Variants in EMSY observed in about 807,000 individuals in gnomAD.
EMSY encodes EMSY transcriptional repressor, BRCA2 interacting, also known as BRCA2-interacting transcriptional repressor EMSY.
EMSY carries 26 observed loss-of-function variants against 134.6 expected under a neutral mutation model. The ratio of observed to expected loss-of-function variants is 0.19; its 90% confidence interval spans 0.14 to 0.27. The LOEUF is 0.27. Ranked by LOEUF, EMSY falls within the 10% of genes least tolerant of loss-of-function variation. The pLI is 1.00. For synonymous variants in EMSY, 579 were observed against 577.8 expected, an observed-to-expected ratio of 1.00 and a Z score of -0.03; for missense variants, 1,305 against 1,611.4, an observed-to-expected ratio of 0.81 and a Z score of 3.26.
At chr11:76,498,752 C>T (rs1025089128) in intron 9 of EMSY, among the ~76,000 whole-genome samples, 4 of 152,164 alleles carry the variant, frequency 2.6e-5, no homozygotes, top group Non-Finnish European at 4.4e-5. Context: ...GAGAACTATA[C>T]TGACTGGAGG....
rs1295740078 is a variant in EMSY at position 76,532,239 on chromosome 11, C to T, written c.2195-3656C>T. ...GAGTTCAGTTAGGACTGAGAAGGTA[C>T]TCAGTAAAAGTTTCACCGAATGAAC... is the stretch of plus-strand genomic sequence containing the variant. On this transcript the variant is annotated intron_variant, in intron 14 of 20. Transcript: ENST00000334736. Among the ~76,000 whole-genome samples, 3 of 152,044 alleles carry T rather than the reference C, an allele frequency of 2.0e-5. No homozygotes were observed. In the East Asian group the frequency reaches 5.8e-4, roughly 29 times the overall value.
intron 11 of EMSY, among the ~76,000 whole-genome samples, chr11:76,521,102 T>TA (rs1950622942): frequency 6.6e-6 from 1 of 152,204 alleles, no homozygotes; most frequent in African/African-American, 2.4e-5. Context: ...TGACAAAGCC[T>TA]GGAAAGCTAG....
At chr11:76,548,590 A>G (rs928211576) in intron 20 of EMSY, among the ~76,000 whole-genome samples, 15 of 152,316 alleles carry the variant, frequency 9.8e-5, no homozygotes, top group Admixed American at 5.2e-4. Flanking sequence ...GTGGGGCTCA[A>G]AGAAGTAGAG....
chr11:76,521,398 T>G, intron 11 of EMSY, among the ~76,000 whole-genome samples: 1 of 152,206 alleles, frequency 6.6e-6, no homozygotes, highest in East Asian at 1.9e-4. Context: ...TGCTAAGCAC[T>G]GAGGAATCAT....
At chr11:76,448,955 T>G (rs537456433) in intron 2 of EMSY, among the ~76,000 whole-genome samples, 1 of 152,274 alleles carries the variant, frequency 6.6e-6, no homozygotes, top group African/African-American at 2.4e-5. Context: ...AGATAAATGC[T>G]TCCTTCTCTC....
At chr11:76,546,166 T>C (rs766628299) in exon 20 of EMSY, 25 of 1,614,132 alleles carry the variant, frequency 1.5e-5, no homozygotes, top group Non-Finnish European at 2.0e-5. Flanking sequence ...TTCGAGTCCA[T>C]CCACTGTTGG....
intron 9 of EMSY, among the ~76,000 whole-genome samples, chr11:76,501,573 G>A (rs947776305): frequency 2.6e-5 from 4 of 152,134 alleles, no homozygotes; most frequent in Non-Finnish European, 4.4e-5. Context: ...AGGGGTTCAC[G>A]TGTAGATCTG....
chr11:76,531,450 A>G (rs1322338411), intron 14 of EMSY, among the ~76,000 whole-genome samples: 3 of 151,956 alleles, frequency 2.0e-5, no homozygotes, highest in Admixed American at 6.6e-5. Flanking sequence ...GTTACTTTGT[A>G]GAATATTCTT....
intron 9 of EMSY, among the ~76,000 whole-genome samples, chr11:76,506,141 A>C (rs1283753077): frequency 6.6e-6 from 1 of 152,102 alleles, no homozygotes; most frequent in Non-Finnish European, 1.5e-5. Flanking sequence ...ATAAAATTTA[A>C]ATATAAAAAA....
chr11:76,467,575 C>T (rs1400250130), intron 7 of EMSY, among the ~76,000 whole-genome samples: 1 of 152,132 alleles, frequency 6.6e-6, no homozygotes, highest in East Asian at 1.9e-4. Context: ...AGAATAGTAC[C>T]TGGCATGTAG....
intron 8 of EMSY, 89 bp downstream of exon 9, chr11:76,472,929 A>G: frequency 1.4e-6 from 2 of 1,403,948 alleles, no homozygotes; most frequent in Non-Finnish European, 2.0e-6. Context: ...TGCTTTGGAT[A>G]TGAAGGTCCC....
intron 8 of EMSY, among the ~76,000 whole-genome samples, chr11:76,495,014 G>A (rs1462711591): frequency 6.6e-6 from 1 of 152,158 alleles, no homozygotes; most frequent in East Asian, 1.9e-4. Context: ...GGGATTACAG[G>A]CGTGAGCCAC....
exon 9 of EMSY, chr11:76,496,416 A>C (rs1312469987): frequency 1.2e-6 from 2 of 1,614,048 alleles, no homozygotes; most frequent in Admixed American, 1.7e-5. Flanking sequence ...CAGCCTCAGC[A>C]GTCTCCTTTG....
At chr11:76,463,011 A>G (rs1382744257) in intron 6 of EMSY, among the ~76,000 whole-genome samples, 6 of 152,340 alleles carry the variant, frequency 3.9e-5, no homozygotes, top group African/African-American at 1.2e-4. Context: ...TGACATGGCC[A>G]TAGGTTTAAA....
At chr11:76,538,368 T>G (rs1951304313) in intron 16 of EMSY, among the ~76,000 whole-genome samples, 1 of 152,148 alleles carries the variant, frequency 6.6e-6, no homozygotes, top group Non-Finnish European at 1.5e-5. Context: ...CAGGTGATCC[T>G]CCTGCCTCAG....
intron 8 of EMSY, among the ~76,000 whole-genome samples, chr11:76,477,790 C>A (rs1190867997): frequency 6.6e-6 from 1 of 152,148 alleles, no homozygotes; most frequent in Non-Finnish European, 1.5e-5. Flanking sequence ...CTCTCAAATC[C>A]ATTCTCAAAT....
intron 5 of EMSY, chr11:76,458,840 G>A (rs1000689093): frequency 3.3e-5 from 5 of 152,356 alleles, no homozygotes; most frequent in Non-Finnish European, 7.3e-5. Context: ...TATTTATCTA[G>A]TAATTGACAC....
At chr11:76,458,301 G>A (rs897931721) in exon 5 of EMSY, 3 of 1,613,974 alleles carry the variant, frequency 1.9e-6, no homozygotes, top group Non-Finnish European at 2.5e-6. Flanking sequence ...TGTTGCTAAT[G>A]CAGCTATCCA....
chr11:76,473,472 A>G (rs1948653421), intron 8 of EMSY, among the ~76,000 whole-genome samples: 1 of 150,628 alleles, frequency 6.6e-6, no homozygotes, highest in South Asian at 2.1e-4. Context: ...ATACCCGGCT[A>G]TTTTTTTTGT....
Sources: gnomAD v4.1 joint callset for allele counts (sites outside exome capture counted in the v4.1 genomes callset) on GRCh38, gnomAD v4.1.1 for gene constraint, MANE v1.5 for transcripts, NCBI Gene and HGNC (gene_info 2026-07-23, HGNC 2026-07-21) for gene names.